Variants in CCDC171 observed in about 807,000 individuals in gnomAD.
CCDC171 encodes the protein coiled-coil domain-containing protein 171.
In CCDC171, 177 loss-of-function variants were observed where a neutral mutation model predicts 168.2. The observed-to-expected ratio is 1.05, with a 90% CI of 0.93 to 1.19. The LOEUF is 1.19. Among genes scored for constraint, CCDC171 ranks in the 50% most tolerant of loss-of-function variants. The probability of loss-of-function intolerance (pLI) is 0.00; values close to 1 mark genes in which losing one functional copy is unlikely to be tolerated. For missense variants in CCDC171, 1,991 were observed against 1,539.0 expected (o/e 1.29, Z -4.91); for synonymous variants, 687 against 540.8 (o/e 1.27, Z -3.75).
At chr9:16,013,263 G>A (rs1038128818) in intron 3 of CCDC171, among the ~76,000 whole-genome samples, 3 of 152,086 alleles carry the variant, frequency 2.0e-5, no homozygotes, top group African/African-American at 7.2e-5. Context: ...TTCCATCACA[G>A]CCTCTCCAGT....
intron 6 of CCDC171, among the ~76,000 whole-genome samples, chr9:16,030,134 A>C (rs1325324568): frequency 6.6e-6 from 1 of 152,170 alleles, no homozygotes; most frequent in East Asian, 1.9e-4. Context: ...TCATGTCCCA[A>C]AGACCCCGCC....
intron 1 of CCDC171, among the ~76,000 whole-genome samples, chr9:16,048,520 G>A (rs548664748): frequency 1.3e-5 from 2 of 152,144 alleles, no homozygotes; most frequent in Non-Finnish European, 2.9e-5. Context: ...TTTCTTTCAG[G>A]GTCCTCCTGT....
intron 24 of CCDC171, among the ~76,000 whole-genome samples, chr9:15,908,409 A>G (rs952285099): frequency 6.6e-6 from 1 of 152,080 alleles, no homozygotes; most frequent in African/African-American, 2.4e-5. Flanking sequence ...ACAAGGAGAA[A>G]AAACAAAACA....
At chr9:15,661,259 G>A (rs1020077352) in intron 8 of CCDC171, among the ~76,000 whole-genome samples, 1 of 135,236 alleles carries the variant, frequency 7.4e-6, no homozygotes, top group African/African-American at 2.9e-5. Flanking sequence ...CAGCCTGGGC[G>A]ACAGAGCGAG....
intron 10 of CCDC171, among the ~76,000 whole-genome samples, chr9:15,685,195 A>G (rs551465509): frequency 3.7e-4 from 56 of 152,202 alleles, no homozygotes; most frequent in Non-Finnish European, 7.1e-4. Flanking sequence ...ATTAGAAACA[A>G]TATTTTATCT....
At chr9:15,805,547 G>T (rs1308338977) in intron 21 of CCDC171, among the ~76,000 whole-genome samples, 1 of 152,078 alleles carries the variant, frequency 6.6e-6, no homozygotes, top group Admixed American at 6.6e-5. Flanking sequence ...ATGTAATTGT[G>T]TGTTTTCCAG....
chr9:15,742,858 C>G (rs763027233), intron 16 of CCDC171, among the ~76,000 whole-genome samples: 23 of 151,890 alleles, frequency 1.5e-4, no homozygotes, highest in Non-Finnish European at 3.4e-4. Flanking sequence ...AGGCTGGTCT[C>G]AAATTCCTGG....
chr9:15,896,751 A>G (rs1820957596), intron 24 of CCDC171, among the ~76,000 whole-genome samples: 1 of 152,048 alleles, frequency 6.6e-6, no homozygotes, highest in Admixed American at 6.6e-5. Flanking sequence ...CATTGTTTTT[A>G]CCATAGCCTG....
intron 24 of CCDC171, among the ~76,000 whole-genome samples, chr9:15,890,449 C>T (rs7040580): frequency 0.07 from 10,583 of 151,928 alleles, 839 homozygotes; most frequent in African/African-American, 0.19. Context: ...TGAGTCTCAT[C>T]CACTAGGTAG....
chr9:15,978,057 G>C (rs544108407), downstream of CCDC171, among the ~76,000 whole-genome samples: 1 of 152,136 alleles, frequency 6.6e-6, no homozygotes, highest in African/African-American at 2.4e-5. Context: ...GGCTTAGGCA[G>C]TAAAAGTGCA....
intron 8 of CCDC171, among the ~76,000 whole-genome samples, chr9:16,037,495 G>T (rs542441413): frequency 6.6e-6 from 1 of 152,274 alleles, no homozygotes; most frequent in East Asian, 1.9e-4. Flanking sequence ...AGAACCAGTG[G>T]ATAGAATACA....
At chr9:15,877,389 G>T (rs1038703700) in intron 24 of CCDC171, among the ~76,000 whole-genome samples, 5 of 152,010 alleles carry the variant, frequency 3.3e-5, no homozygotes, top group African/African-American at 1.2e-4. Flanking sequence ...TACGTTTAAG[G>T]TGTATGTATG....
intron 3 of CCDC171, among the ~76,000 whole-genome samples, chr9:15,984,577 T>C (rs1029106224): frequency 6.6e-6 from 1 of 152,164 alleles, no homozygotes; most frequent in African/African-American, 2.4e-5. Flanking sequence ...TTTCTCTGTG[T>C]GATATGCGTC....
rs191746381 is a variant in CCDC171 at position 15,965,121 on chromosome 9, A to G, written c.3754-6488A>G. 3.3e-5 allele frequency among the ~76,000 whole-genome samples: 5 copies of G among 152,304 alleles called. No homozygotes were observed. In the East Asian group the frequency reaches 9.6e-4, roughly 29 times the overall value. ...CCTCATTTTGTCTCTGAATATAACA[A>G]CATATAAGCTCCTTTGATGAAAGGG... On this transcript the variant is annotated intron_variant, in intron 25 of 25. Coordinates refer to ENST00000380701, the MANE Select transcript of CCDC171 (RefSeq NM_173550.4).
At chr9:15,983,350 G>C (rs1468441000) in intron 3 of CCDC171, among the ~76,000 whole-genome samples, 1 of 151,316 alleles carries the variant, frequency 6.6e-6, no homozygotes, top group Non-Finnish European at 1.5e-5. Flanking sequence ...TAATTTTCTA[G>C]CAATATCTGT....
In CCDC171 at chr9:15,784,695, G is replaced by A. The variant is rs1240181336; in HGVS notation, c.3267+1G>A. 5 of 1,607,924 alleles carry A rather than the reference G, an allele frequency of 3.1e-6. No individual in the cohort carries two copies. The highest frequency in any genetic ancestry group is 4.3e-6 in the Non-Finnish European group (5 of 1,175,888). ...CCAAACTCTTGGAGAAGCTGTTAAGGTAAGAGAATAAAGGGATATTTGCAT... is the reference window on the plus strand; with the variant it reads ...CCAAACTCTTGGAGAAGCTGTTAAGATAAGAGAATAAAGGGATATTTGCAT... On this transcript the variant is annotated splice_donor_variant, in intron 21 of 25. Transcript: ENST00000380701. LOFTEE classifies it high-confidence loss of function.
intron 4 of CCDC171, among the ~76,000 whole-genome samples, chr9:15,580,751 T>A (rs1272945275): frequency 1.3e-5 from 2 of 152,126 alleles, no homozygotes; most frequent in African/African-American, 4.8e-5. Flanking sequence ...ATGGATGTGG[T>A]AAAAAGGGAA....
chr9:15,558,828 G>T (rs1354846985), intron 1 of CCDC171, among the ~76,000 whole-genome samples: 1 of 152,004 alleles, frequency 6.6e-6, no homozygotes, highest in South Asian at 2.1e-4. Flanking sequence ...TGATGTTAGG[G>T]TATCAATTTT....
intron 4 of CCDC171, among the ~76,000 whole-genome samples, chr9:15,579,871 G>A (rs1401964417): frequency 6.6e-6 from 1 of 152,038 alleles, no homozygotes; most frequent in African/African-American, 2.4e-5. Flanking sequence ...TTATTGATGG[G>A]CATTTGAGTA....
Sources: gnomAD v4.1 joint callset for allele counts (sites outside exome capture counted in the v4.1 genomes callset) on GRCh38, gnomAD v4.1.1 for gene constraint, MANE v1.5 for transcripts, NCBI Gene and HGNC (gene_info 2026-07-23, HGNC 2026-07-21) for gene names.